Variants in ASTN2 observed in about 807,000 individuals in gnomAD.
ASTN2 encodes astrotactin-2.
In ASTN2, 54 loss-of-function variants were observed where a neutral mutation model predicts 139.8. The observed-to-expected ratio is 0.39, with a 90% confidence interval of 0.31 to 0.48. ASTN2 has a LOEUF of 0.48. ASTN2 is among the 20% of genes least tolerant of loss of function. ASTN2 has a pLI of 0.95. For synonymous variants in ASTN2, 756 were observed against 719.5 expected, an observed-to-expected ratio of 1.05 and a Z score of -0.81; for missense variants, 1,565 against 1,725.1, an observed-to-expected ratio of 0.91 and a Z score of 1.64.
rs371053235 is a variant in ASTN2 at position 117,402,783 on chromosome 9, G to GGGT, written c.442+11711_442+11713dup. On this transcript the variant is annotated intron_variant, in intron 1 of 22. Coordinates refer to ENST00000313400, the MANE Select transcript of ASTN2 (RefSeq NM_001365068.1). Reference sequence around the variant, plus strand: ...GAGCAACCCTACATGGAGTGGGGTGGGGTGGTGGTGGTGGTGTGATGGAGG... The same window carrying GGGT: ...GAGCAACCCTACATGGAGTGGGGTGGGGTGGTGGTGGTGGTGGTGTGATGGAGG... 1.1e-3 allele frequency among the ~76,000 whole-genome samples: 160 copies of GGGT among 152,056 alleles called. 1 individual carries two copies. The highest frequency in any genetic ancestry group is 3.8e-3 in the African/African-American group (157 of 41,482).
intron 10 of ASTN2, among the ~76,000 whole-genome samples, chr9:116,926,185 TAC>T (rs1418557630): frequency 2.0e-5 from 3 of 152,188 alleles, no homozygotes; most frequent in African/African-American, 4.8e-5. Context: ...GTTCAAATAC[TAC>T]AGTGTCTAAG....
intron 3 of ASTN2, among the ~76,000 whole-genome samples, chr9:117,194,005 A>T (rs138248739): frequency 1.1e-3 from 167 of 152,278 alleles, no homozygotes; most frequent in African/African-American, 3.6e-3. Context: ...AAGATAGAGC[A>T]TCGTACAGAA....
At chr9:117,152,449 C>T (rs906294110) in intron 3 of ASTN2, among the ~76,000 whole-genome samples, 2 of 152,100 alleles carry the variant, frequency 1.3e-5, no homozygotes, top group Non-Finnish European at 2.9e-5. Flanking sequence ...TTGGATCTTG[C>T]CATAATTTGG....
At chr9:116,992,561 G>C (rs1228914208) in intron 7 of ASTN2, among the ~76,000 whole-genome samples, 5 of 152,162 alleles carry the variant, frequency 3.3e-5, no homozygotes, top group Admixed American at 2.6e-4. Flanking sequence ...TCCCAGCCCT[G>C]CTTGACAAAA....
chr9:116,588,847 G>A (rs1010464639), intron 19 of ASTN2, among the ~76,000 whole-genome samples: 1 of 152,056 alleles, frequency 6.6e-6, no homozygotes, highest in African/African-American at 2.4e-5. Flanking sequence ...ACACAGACAA[G>A]GTAAATAAAG....
intron 6 of ASTN2, among the ~76,000 whole-genome samples, chr9:117,028,720 T>C (rs1381098309): frequency 1.3e-5 from 2 of 152,126 alleles, no homozygotes; most frequent in Non-Finnish European, 2.9e-5. Flanking sequence ...GCTCCCTACC[T>C]CCCTGTTCAG....
At chr9:116,632,215 A>AAG (rs1564169134) in intron 17 of ASTN2, among the ~76,000 whole-genome samples, 3 of 127,346 alleles carry the variant, frequency 2.4e-5, no homozygotes, top group Non-Finnish European at 3.3e-5. Context: ...AAAAGAAAGA[A>AAG]AGAAAGAAAG....
chr9:116,950,784 TG>T (rs1179424293), intron 10 of ASTN2, among the ~76,000 whole-genome samples: 3 of 152,202 alleles, frequency 2.0e-5, no homozygotes, highest in African/African-American at 7.2e-5. Flanking sequence ...CCCTCCCTCC[TG>T]GCCATAGTAC....
At chr9:116,441,945 T>C (rs981668715) in intron 21 of ASTN2, among the ~76,000 whole-genome samples, 5 of 152,246 alleles carry the variant, frequency 3.3e-5, no homozygotes, top group African/African-American at 1.2e-4. Context: ...AACTGACTGA[T>C]AATCACTGAT....
chr9:116,774,437 G>A (rs1379366334), intron 13 of ASTN2, among the ~76,000 whole-genome samples: 2 of 152,132 alleles, frequency 1.3e-5, no homozygotes, highest in African/African-American at 4.8e-5. Context: ...TTCTTCTGGT[G>A]GAAAATAATA....
rs1588105738 is a variant in ASTN2 at position 116,486,807 on chromosome 9, G to C, written c.3497+552C>G. On this transcript the variant is annotated intron_variant, in intron 20 of 22. Coordinates refer to ENST00000313400, the MANE Select transcript of ASTN2 (RefSeq NM_001365068.1). ...GTGACTGCCTCTTGCATCTCCAGAA[G>C]TTTGAATGCAGTGACTCCAATGAAC... is the stretch of plus-strand genomic sequence containing the variant. Among the ~76,000 whole-genome samples, 6 of 152,262 alleles carry C rather than the reference G, an allele frequency of 3.9e-5. 1 individual carries two copies. In the South Asian group the frequency reaches 1.0e-3, roughly 26 times the overall value.
At chr9:116,486,030 T>TGGG (rs1257751875) in intron 20 of ASTN2, among the ~76,000 whole-genome samples, 1 of 152,240 alleles carries the variant, frequency 6.6e-6, no homozygotes, top group East Asian at 1.9e-4. Flanking sequence ...AGGGTGTTTC[T>TGGG]TGTTTAATTA....
chr9:117,091,643 C>T (rs777549742), intron 5 of ASTN2, among the ~76,000 whole-genome samples: 1 of 151,684 alleles, frequency 6.6e-6, no homozygotes, highest in Non-Finnish European at 1.5e-5. Context: ...AAGGCTGTGG[C>T]AGGACAGATG....
At chr9:117,124,822 A>G (rs1301161736) in intron 4 of ASTN2, among the ~76,000 whole-genome samples, 2 of 152,006 alleles carry the variant, frequency 1.3e-5, no homozygotes, top group East Asian at 3.9e-4. Context: ...AAAAAAAAAA[A>G]AAAAGCTGCA....
At chr9:116,979,981 T>C (rs1170819815) in intron 7 of ASTN2, among the ~76,000 whole-genome samples, 1 of 152,204 alleles carries the variant, frequency 6.6e-6, no homozygotes, top group Non-Finnish European at 1.5e-5. Context: ...AATGGATCAT[T>C]AATTACTGAT....
intron 10 of ASTN2, among the ~76,000 whole-genome samples, chr9:116,953,839 C>T (rs1279766931): frequency 6.6e-6 from 1 of 152,138 alleles, no homozygotes; most frequent in Non-Finnish European, 1.5e-5. Context: ...TCATTTAGCT[C>T]ATTAGTGGCA....
chr9:117,376,930 T>C (rs942855248), intron 1 of ASTN2, among the ~76,000 whole-genome samples: 5 of 151,916 alleles, frequency 3.3e-5, no homozygotes, highest in African/African-American at 1.2e-4. Flanking sequence ...GTGCAACTAA[T>C]CTTTAAAAAA....
intron 16 of ASTN2, among the ~76,000 whole-genome samples, chr9:116,721,488 G>T (rs1828472078): frequency 6.6e-6 from 1 of 152,176 alleles, no homozygotes; most frequent in African/African-American, 2.4e-5. Context: ...GATATCAAGA[G>T]CACAGAAGCA....
At chr9:116,647,276 C>A (rs1210654287) in intron 17 of ASTN2, among the ~76,000 whole-genome samples, 1 of 152,164 alleles carries the variant, frequency 6.6e-6, no homozygotes, top group African/African-American at 2.4e-5. Flanking sequence ...AAGACCATAT[C>A]CACTTGTCAT....
Sources: allele counts gnomAD v4.1 joint callset (sites outside exome capture counted in the v4.1 genomes callset), GRCh38; gene constraint gnomAD v4.1.1; transcripts MANE v1.5; gene names NCBI Gene and HGNC (gene_info 2026-07-23, HGNC 2026-07-21).